The following CPVL variants were observed in gnomAD, a reference collection of about 807,000 sequenced individuals.
CPVL encodes carboxypeptidase vitellogenic like.
A neutral mutation model predicts 63.7 loss-of-function variants in CPVL; 51 were observed. That is an observed-to-expected ratio of 0.80 (90% CI 0.64 to 1.01). The LOEUF is 1.01. Ranked by LOEUF, CPVL falls within the 50% of genes least tolerant of loss-of-function variation. The pLI, the probability that CPVL is intolerant of heterozygous loss-of-function variation, is 0.00. For synonymous variants in CPVL, 195 were observed against 206.0 expected, an observed-to-expected ratio of 0.95 and a Z score of 0.46; for missense variants, 530 against 573.1, an observed-to-expected ratio of 0.92 and a Z score of 0.77.
chr7:29,018,378 C>CT (rs70977092), intron 12 of CPVL, among the ~76,000 whole-genome samples: 12,688 of 123,878 alleles, frequency 0.1, 1,812 homozygotes, highest in African/African-American at 0.31. Context: ...AATTTTTAAT[C>CT]TTTTTTTTTT....
chr7:29,122,563 T>C (rs1789491503), intron 1 of CPVL: 1 of 152,132 alleles, frequency 6.6e-6, no homozygotes, highest in Non-Finnish European at 1.5e-5. Flanking sequence ...TAGCAGGAGA[T>C]TCAGAAGCCT....
intron 11 of CPVL, among the ~76,000 whole-genome samples, chr7:29,034,603 G>A (rs1788337464): frequency 6.6e-6 from 1 of 151,860 alleles, no homozygotes; most frequent in Admixed American, 6.6e-5. Flanking sequence ...AGTATGTGTT[G>A]TTCCCCCCAT....
intron 12 of CPVL, chr7:29,009,022 A>AT (rs1479409190): frequency 1.3e-5 from 2 of 151,974 alleles, no homozygotes; most frequent in Non-Finnish European, 2.9e-5. Flanking sequence ...TGCTAAGGGA[A>AT]TAACTTTCTG....
At chr7:29,191,049 C>G (rs1782827949) in intron 1 of CPVL, among the ~76,000 whole-genome samples, 1 of 152,082 alleles carries the variant, frequency 6.6e-6, no homozygotes, top group South Asian at 2.1e-4. Context: ...ATTCTCCCCC[C>G]TCAGCCTCCC....
chr7:29,179,963 G>T (rs1170622239), intron 5 of CPVL, among the ~76,000 whole-genome samples: 1 of 152,120 alleles, frequency 6.6e-6, no homozygotes, highest in Non-Finnish European at 1.5e-5. Flanking sequence ...TTGATCTTTT[G>T]CTATTTGTCT....
In CPVL at chr7:29,082,704, C is replaced by A. The variant is rs376223283; in HGVS notation, c.609+3780G>T. Among the ~76,000 whole-genome samples, 12 of 152,264 alleles carry A rather than the reference C, an allele frequency of 7.9e-5. 2 individuals carry two copies. The highest frequency in any genetic ancestry group is 2.9e-4 in the African/African-American group (12 of 41,558). ...GTTTCCTTAAAAGTATTCATCCTGGCAGCAAGGAAGGTAAAAAGAAAACTG... is the reference window on the plus strand; with the variant it reads ...GTTTCCTTAAAAGTATTCATCCTGGAAGCAAGGAAGGTAAAAAGAAAACTG... On this transcript the variant is annotated intron_variant, in intron 7 of 12. Coordinates refer to ENST00000265394, the MANE Select transcript of CPVL (RefSeq NM_031311.5).
intron 4 of CPVL, among the ~76,000 whole-genome samples, chr7:29,183,525 T>C (rs1798330605): frequency 6.6e-6 from 1 of 151,618 alleles, no homozygotes; most frequent in South Asian, 2.1e-4. Flanking sequence ...TACAAGTGTG[T>C]GCCACCACAC....
chr7:29,183,273 A>G (rs1274142587), intron 4 of CPVL, among the ~76,000 whole-genome samples: 2 of 151,916 alleles, frequency 1.3e-5, no homozygotes, highest in Non-Finnish European at 2.9e-5. Context: ...CAGTAGAGAC[A>G]GGGTTTCTCC....
At chr7:29,114,369 A>G (rs968674321) in intron 2 of CPVL, among the ~76,000 whole-genome samples, 5 of 152,178 alleles carry the variant, frequency 3.3e-5, no homozygotes, top group Non-Finnish European at 5.9e-5. Context: ...GAGAGCTGGG[A>G]TTAAACACAG....
At chr7:29,141,608 T>C (rs1314058279) in intron 1 of CPVL, among the ~76,000 whole-genome samples, 1 of 151,730 alleles carries the variant, frequency 6.6e-6, no homozygotes, top group African/African-American at 2.4e-5. Flanking sequence ...CAAATGTGGC[T>C]TCTGCCACTT....
intron 5 of CPVL, among the ~76,000 whole-genome samples, chr7:29,173,653 A>T (rs1204842749): frequency 6.6e-6 from 1 of 151,922 alleles, no homozygotes; most frequent in Non-Finnish European, 1.5e-5. Flanking sequence ...GTTGCCATGG[A>T]GTGAGTAAGA....
At chr7:29,096,246 C>CACAGAACACTCACTTAAGGCT (rs1223985605) in intron 3 of CPVL, 29 bp from the exon 4 acceptor site, 1 of 1,521,892 alleles carries the variant, frequency 6.6e-7, no homozygotes, top group East Asian at 2.3e-5. Flanking sequence ...CCAGTGACCA[C>CACAGAACACTCACTTAAGGCT]ACAGAACACT....
intron 1 of CPVL, among the ~76,000 whole-genome samples, chr7:29,131,640 G>GGAT (rs1790709051): frequency 1.3e-5 from 2 of 152,292 alleles, no homozygotes; most frequent in African/African-American, 4.8e-5. Flanking sequence ...ATCCTCCAGA[G>GGAT]TAGCTGGGAC....
chr7:29,094,473 C>A (rs1255994472), intron 5 of CPVL, among the ~76,000 whole-genome samples: 3 of 152,004 alleles, frequency 2.0e-5, no homozygotes, highest in African/African-American at 7.2e-5. Context: ...ATATAAGGAA[C>A]CCAAACTGTT....
chr7:29,083,713 T>A (rs1280529278), intron 7 of CPVL, among the ~76,000 whole-genome samples: 1 of 152,178 alleles, frequency 6.6e-6, no homozygotes, highest in Non-Finnish European at 1.5e-5. Flanking sequence ...CACCTGACGT[T>A]AAATCAATCA....
chr7:29,012,567 A>C (rs1227915533), intron 12 of CPVL: 2 of 152,258 alleles, frequency 1.3e-5, no homozygotes, highest in Non-Finnish European at 2.9e-5. Flanking sequence ...TGATGATTTC[A>C]GAGAACCAGT....
intron 12 of CPVL, among the ~76,000 whole-genome samples, chr7:28,998,718 G>A (rs1485166227): frequency 6.6e-6 from 1 of 152,100 alleles, no homozygotes; most frequent in Non-Finnish European, 1.5e-5. Flanking sequence ...CAGGAGGATC[G>A]CTTGATTGCA....
upstream of CPVL, among the ~76,000 whole-genome samples, chr7:29,149,189 C>CT (rs60520174): frequency 0.21 from 21,266 of 100,264 alleles, 3,022 homozygotes; most frequent in East Asian, 0.3. Context: ...GTCTGTTTCC[C>CT]TTTTTTTTTT....
chr7:29,138,380 C>T (rs1791467276), intron 1 of CPVL, among the ~76,000 whole-genome samples: 1 of 152,190 alleles, frequency 6.6e-6, no homozygotes, highest in African/African-American at 2.4e-5. Context: ...GCAGAGGTTG[C>T]AGTGATCCAA....
Sources: gnomAD v4.1 joint callset for allele counts (sites outside exome capture counted in the v4.1 genomes callset) on GRCh38, gnomAD v4.1.1 for gene constraint, MANE v1.5 for transcripts, NCBI Gene and HGNC (gene_info 2026-07-23, HGNC 2026-07-21) for gene names.